B3GLCT: variants seen among roughly 807,000 people sequenced by gnomAD.
B3GLCT encodes the protein beta 3-glucosyltransferase, also known as beta-1,3-glucosyltransferase.
Under a neutral mutation model 63.4 loss-of-function variants are expected in B3GLCT, and 65 were observed. The observed-to-expected ratio is 1.03, with a 90% CI of 0.84 to 1.26. The LOEUF is 1.26. Among genes scored for constraint, B3GLCT ranks in the 50% most tolerant of loss-of-function variants. The probability of loss-of-function intolerance (pLI) is 0.00; values close to 1 mark genes in which losing one functional copy is unlikely to be tolerated. For missense variants in B3GLCT, 577 were observed against 604.8 expected (o/e 0.95, Z 0.48); for synonymous variants, 233 against 219.2 (o/e 1.06, Z -0.55).
intron 3 of B3GLCT, among the ~76,000 whole-genome samples, chr13:31,227,249 C>T (rs1378091690): frequency 6.6e-6 from 1 of 152,044 alleles, no homozygotes; most frequent in Non-Finnish European, 1.5e-5. Context: ...TATCCTTGTG[C>T]ACACATCTGA....
intron 2 of B3GLCT, among the ~76,000 whole-genome samples, chr13:31,219,440 A>G (rs1463694009): frequency 1.3e-5 from 2 of 152,216 alleles, no homozygotes; most frequent in Non-Finnish European, 2.9e-5. Context: ...TGTATTTGGC[A>G]ATAATGAGGA....
chr13:31,227,212 A>T (rs1593257058), intron 3 of B3GLCT, among the ~76,000 whole-genome samples: 1 of 152,118 alleles, frequency 6.6e-6, no homozygotes, highest in East Asian at 1.9e-4. Context: ...TCTTTTACAC[A>T]GTGCCACTGT....
intron 12 of B3GLCT, among the ~76,000 whole-genome samples, chr13:31,292,463 TATTA>T (rs1420533352): frequency 1.3e-5 from 2 of 152,216 alleles, no homozygotes; most frequent in Non-Finnish European, 2.9e-5. Flanking sequence ...GTTGGTAGGC[TATTA>T]ATTATTGCCT....
chr13:31,264,391 C>T (rs796300745), intron 7 of B3GLCT, among the ~76,000 whole-genome samples: 16 of 152,240 alleles, frequency 1.1e-4, no homozygotes, highest in African/African-American at 3.4e-4. Context: ...CTCGTCACAA[C>T]GCTCAACAGT....
chr13:31,308,810 G>A (rs1428833837), intron 12 of B3GLCT, among the ~76,000 whole-genome samples: 1 of 152,140 alleles, frequency 6.6e-6, no homozygotes, highest in Non-Finnish European at 1.5e-5. Flanking sequence ...AGGTCTCAGA[G>A]GTACTTTCTG....
intron 6 of B3GLCT, among the ~76,000 whole-genome samples, chr13:31,250,943 C>G (rs1871398925): frequency 6.6e-6 from 1 of 152,202 alleles, no homozygotes; most frequent in Non-Finnish European, 1.5e-5. Flanking sequence ...TAGGGGCCGA[C>G]AGACACCTCA....
intron 2 of B3GLCT, among the ~76,000 whole-genome samples, chr13:31,217,453 G>T (rs1241376393): frequency 1.3e-5 from 2 of 152,092 alleles, no homozygotes; most frequent in Non-Finnish European, 2.9e-5. Context: ...CATTTAATTA[G>T]GCCCACTGGT....
intron 13 of B3GLCT, 143 bp downstream of exon 13, chr13:31,317,828 T>A: frequency 2.0e-6 from 2 of 980,858 alleles, no homozygotes; most frequent in Non-Finnish European, 3.0e-6. Flanking sequence ...AAAGTGAACA[T>A]TATATTTGCT....
In B3GLCT at chr13:31,220,997, G is replaced by C. The variant is rs1165504691; in HGVS notation, c.121-1955G>C. Among the ~76,000 whole-genome samples the C allele has an allele frequency of 3.3e-5, 5 of 152,126 alleles. No individual in the cohort carries two copies. In the East Asian group the frequency reaches 9.6e-4, roughly 29 times the overall value. On this transcript the variant is annotated intron_variant, in intron 2 of 14. Transcript: ENST00000343307. ...CATCTAATGATGTGTATTTTTTAAA[G>C]CATGCTTCCCGAGGAAGGCTGGGCA...
intron 1 of B3GLCT, among the ~76,000 whole-genome samples, chr13:31,212,000 G>A (rs556126616): frequency 3.6e-4 from 55 of 152,268 alleles, no homozygotes; most frequent in African/African-American, 1.1e-3. Flanking sequence ...TACTGGACCT[G>A]TTACATTAAG....
chr13:31,202,113 G>C (rs1868700430), intron 1 of B3GLCT, among the ~76,000 whole-genome samples: 1 of 152,162 alleles, frequency 6.6e-6, no homozygotes, highest in African/African-American at 2.4e-5. Context: ...CAGGCGTTCT[G>C]TCACATGTGA....
intron 12 of B3GLCT, among the ~76,000 whole-genome samples, chr13:31,302,559 G>T (rs1874279226): frequency 8.7e-6 from 1 of 114,908 alleles, no homozygotes; most frequent in Admixed American, 9.4e-5. Context: ...TCAAAGAAAG[G>T]GGTGACGGAC....
chr13:31,208,806 G>A (rs1322696939), intron 1 of B3GLCT, among the ~76,000 whole-genome samples: 1 of 152,026 alleles, frequency 6.6e-6, no homozygotes, highest in Admixed American at 6.5e-5. Context: ...ACCTCAAACA[G>A]CTGTTCCTGG....
intron 1 of B3GLCT, among the ~76,000 whole-genome samples, chr13:31,202,434 A>G (rs999023221): frequency 1.3e-5 from 2 of 152,216 alleles, no homozygotes; most frequent in Admixed American, 1.3e-4. Flanking sequence ...ACTGGATAGA[A>G]TACTAGCACT....
intron 1 of B3GLCT, among the ~76,000 whole-genome samples, chr13:31,208,110 A>G (rs1255193964): frequency 6.6e-6 from 1 of 152,134 alleles, no homozygotes; most frequent in African/African-American, 2.4e-5. Context: ...CTCTGTACAC[A>G]GTACAAAGTA....
intron 7 of B3GLCT, 138 bp from the exon 8 acceptor site, chr13:31,269,076 C>A: frequency 1.5e-6 from 1 of 649,064 alleles, no homozygotes; most frequent in Non-Finnish European, 2.7e-6. Context: ...TCCTTTCCCT[C>A]AAGGAATTTA....
At position 31,287,467 on chromosome 13, in the gene B3GLCT, C is replaced by T. The variant is rs114101063; in HGVS notation, c.1064+648C>T. On this transcript the variant is annotated intron_variant, in intron 12 of 14. Coordinates refer to ENST00000343307, the MANE Select transcript of B3GLCT (RefSeq NM_194318.4). ...GTTAACCCTAGACTAAGCACTTTTC[C>T]AGTCCTGCCTAACATATCTGAAAAG... Among the ~76,000 whole-genome samples the T allele has an allele frequency of 5.5e-3, 838 of 152,266 alleles. 12 individuals carry two copies. Among genetic ancestry groups the T allele is most frequent in the African/African-American group, 0.019 (805 of 41,560 alleles).
chr13:31,240,231 G>A (rs1344560224), intron 4 of B3GLCT, among the ~76,000 whole-genome samples: 2 of 152,156 alleles, frequency 1.3e-5, no homozygotes, highest in Non-Finnish European at 2.9e-5. Flanking sequence ...TTCTGCTTTA[G>A]ACCAAATGGA....
intron 13 of B3GLCT, among the ~76,000 whole-genome samples, chr13:31,322,109 T>C (rs1875356130): frequency 1.3e-5 from 2 of 152,264 alleles, no homozygotes; most frequent in Non-Finnish European, 2.9e-5. Context: ...TTTTTGAAAA[T>C]ACTTATTTAC....
Sources: allele counts gnomAD v4.1 joint callset (sites outside exome capture counted in the v4.1 genomes callset), GRCh38; gene constraint gnomAD v4.1.1; transcripts MANE v1.5; gene names NCBI Gene and HGNC (gene_info 2026-07-23, HGNC 2026-07-21).